Variants in TENM3 observed in about 807,000 individuals in gnomAD.
The protein encoded by TENM3 is teneurin-3.
TENM3 carries 63 observed loss-of-function variants against 255.1 expected under a neutral mutation model. The observed-to-expected ratio is 0.25, with a 90% CI of 0.20 to 0.30. The LOEUF is 0.30. TENM3 is among the 10% of genes least tolerant of loss of function. TENM3 has a pLI of 1.00. For synonymous variants in TENM3, 1,306 were observed against 1,322.3 expected (o/e 0.99, Z 0.27); for missense variants, 2,929 against 3,461.1 (o/e 0.85, Z 3.86).
the TENM3 span, among the ~76,000 whole-genome samples, chr4:181,662,556 C>T: frequency 6.6e-6 from 1 of 152,150 alleles, no homozygotes; most frequent in Admixed American, 6.5e-5. Flanking sequence ...TTCCTGACCT[C>T]GGCCTGGGCA....
chr4:182,593,184 G>GATA lies in TENM3; in HGVS notation c.512-7739_512-7738insTAA, dbSNP rs1746843971. 3.3e-5 allele frequency among the ~76,000 whole-genome samples: 5 copies of GATA among 152,294 alleles called. No homozygotes were observed. The East Asian group carries it at 9.7e-4, about 29-fold the overall frequency. ...TGTGTATCATATTGCAAGCTCTTAA[G>GATA]AGGGCTAAGGCCAGAGGGTTTTCAT... On this transcript the variant is annotated intron_variant, in intron 3 of 27. Transcript: ENST00000511685.
the TENM3 span, among the ~76,000 whole-genome samples, chr4:181,835,631 G>T: frequency 6.6e-6 from 1 of 152,236 alleles, no homozygotes; most frequent in South Asian, 2.1e-4. Context: ...AGAATCTATT[G>T]CATATTCAGC....
the TENM3 span, among the ~76,000 whole-genome samples, chr4:181,864,889 CGT>C: frequency 3.9e-5 from 6 of 152,156 alleles, no homozygotes; most frequent in African/African-American, 1.4e-4. Flanking sequence ...TAGCAAACCG[CGT>C]CTTTCATTAC....
chr4:181,789,116 T>C, the TENM3 span, among the ~76,000 whole-genome samples: 300 of 152,292 alleles, frequency 2.0e-3, no homozygotes, highest in African/African-American at 6.9e-3. Context: ...TAATATGATA[T>C]ACATTTGGTC....
chr4:182,177,465 C>T (rs1303978717), intron 1 of TENM3, among the ~76,000 whole-genome samples: 1 of 152,008 alleles, frequency 6.6e-6, no homozygotes, highest in Non-Finnish European at 1.5e-5. Flanking sequence ...CAGCCTGATG[C>T]TCCTGATTCA....
intron 3 of TENM3, among the ~76,000 whole-genome samples, chr4:182,430,023 A>T (rs920915172): frequency 6.6e-6 from 1 of 151,974 alleles, no homozygotes; most frequent in African/African-American, 2.4e-5. Context: ...AGCCTGTCTG[A>T]CTCCTGCGTC....
chr4:182,031,790 A>G, the TENM3 span, among the ~76,000 whole-genome samples: 1 of 152,014 alleles, frequency 6.6e-6, no homozygotes, highest in Non-Finnish European at 1.5e-5. Flanking sequence ...CTGTATTCCT[A>G]GGTATTTTAT....
chr4:181,662,807 C>T, the TENM3 span, among the ~76,000 whole-genome samples: 2 of 152,172 alleles, frequency 1.3e-5, no homozygotes, highest in South Asian at 4.1e-4. Context: ...GGGCTTTTTG[C>T]CCCATTAGGA....
intron 3 of TENM3, among the ~76,000 whole-genome samples, chr4:182,456,674 A>G (rs914302487): frequency 2.4e-4 from 36 of 152,190 alleles, no homozygotes; most frequent in African/African-American, 7.5e-4. Flanking sequence ...TTGGATGACT[A>G]AAGTAGGGAA....
the TENM3 span, among the ~76,000 whole-genome samples, chr4:182,100,640 T>TATATACACACACATATATACAC: frequency 9.8e-5 from 5 of 50,836 alleles, no homozygotes; most frequent in East Asian, 1.4e-3. Context: ...TATATACACA[T>TATATACACACACATATATACAC]ATATATACAC....
intron 4 of TENM3, among the ~76,000 whole-genome samples, chr4:182,619,470 A>G (rs1749888528): frequency 6.6e-6 from 1 of 152,096 alleles, no homozygotes; most frequent in Non-Finnish European, 1.5e-5. Context: ...GGTAGAAGCT[A>G]ACATCAAAAG....
intron 1 of TENM3, among the ~76,000 whole-genome samples, chr4:182,235,254 T>C (rs764697010): frequency 1.3e-5 from 2 of 152,140 alleles, no homozygotes; most frequent in Non-Finnish European, 2.9e-5. Context: ...ATTGAAAGCA[T>C]GTGGGCATCA....
At chr4:181,926,103 A>G in the TENM3 span, among the ~76,000 whole-genome samples, 1 of 152,230 alleles carries the variant, frequency 6.6e-6, no homozygotes, top group South Asian at 2.1e-4. Context: ...GCAGCCACCT[A>G]TACAGTGTGT....
chr4:182,703,113 A>T (rs918093169), intron 12 of TENM3, among the ~76,000 whole-genome samples: 1 of 152,196 alleles, frequency 6.6e-6, no homozygotes, highest in South Asian at 2.1e-4. Flanking sequence ...GTGTATGTGT[A>T]TAGTGGAATA....
At chr4:182,637,619 C>T (rs955772453) in intron 5 of TENM3, among the ~76,000 whole-genome samples, 4 of 152,158 alleles carry the variant, frequency 2.6e-5, no homozygotes, top group Non-Finnish European at 4.4e-5. Flanking sequence ...AGGAACTGAC[C>T]ATTCATTCAT....
the TENM3 span, among the ~76,000 whole-genome samples, chr4:181,595,410 GA>G: frequency 8.1e-6 from 1 of 123,578 alleles, no homozygotes; most frequent in Non-Finnish European, 1.6e-5. Context: ...CAGCCTGGGT[GA>G]CAGAGCGAGA....
In TENM3 at chr4:182,263,053, G is replaced by A. The variant is rs938916984; in HGVS notation, c.-76+19577G>A. On this transcript the variant is annotated intron_variant, in intron 1 of 27. Coordinates refer to ENST00000511685, the MANE Select transcript of TENM3 (RefSeq NM_001080477.4). ...TTCTTTCTTGCGCGAGATCCAGGAA[G>A]CCTCTCTTGGGGTCTGGATGGGGAC... 3.3e-5 allele frequency among the ~76,000 whole-genome samples: 5 copies of A among 152,192 alleles called. 1 individual carries two copies. The South Asian group carries it at 8.3e-4, about 25-fold the overall frequency.
At chr4:182,088,094 T>C in the TENM3 span, among the ~76,000 whole-genome samples, 21,864 of 152,246 alleles carry the variant, frequency 0.14, 1,993 homozygotes, top group Non-Finnish European at 0.19. Flanking sequence ...ACATGTATCT[T>C]AAGATTTATA....
At chr4:182,633,701 G>A (rs1436704386) in intron 5 of TENM3, among the ~76,000 whole-genome samples, 1 of 152,244 alleles carries the variant, frequency 6.6e-6, no homozygotes, top group Non-Finnish European at 1.5e-5. Flanking sequence ...AACCTTAGGA[G>A]GTTTCTTCTT....
Sources: gnomAD v4.1 joint callset for allele counts (sites outside exome capture counted in the v4.1 genomes callset) on GRCh38, gnomAD v4.1.1 for gene constraint, MANE v1.5 for transcripts, NCBI Gene and HGNC (gene_info 2026-07-23, HGNC 2026-07-21) for gene names.